Variants in MARCHF1 observed in about 807,000 individuals in gnomAD.
The protein encoded by MARCHF1 is E3 ubiquitin-protein ligase MARCHF1.
Under a neutral mutation model 54.2 loss-of-function variants are expected in MARCHF1, and 40 were observed. That is an observed-to-expected ratio of 0.74 (90% CI 0.57 to 0.96). The LOEUF is 0.96. Ranked by LOEUF, MARCHF1 falls within the 40% of genes least tolerant of loss-of-function variation. The pLI is 0.00. For synonymous variants in MARCHF1, 236 were observed against 236.3 expected, an observed-to-expected ratio of 1.00 and a Z score of 0.01; for missense variants, 586 against 656.5, an observed-to-expected ratio of 0.89 and a Z score of 1.17.
intron 1 of MARCHF1, among the ~76,000 whole-genome samples, chr4:164,175,303 C>T (rs1322541589): frequency 2.0e-5 from 3 of 152,092 alleles, no homozygotes; most frequent in Admixed American, 6.5e-5. Context: ...AAATTTAAGC[C>T]TTCAGGGTAT....
At chr4:164,017,979 A>T (rs1048026139) in intron 2 of MARCHF1, among the ~76,000 whole-genome samples, 2 of 151,964 alleles carry the variant, frequency 1.3e-5, no homozygotes. Flanking sequence ...ATAAATAAAA[A>T]GTTTTGGAAT....
rs142470482 is a variant in MARCHF1 at position 164,204,175 on chromosome 4, G to A, written c.-322-92513C>T. ...TAGGTGCTAAATTGAAGTACGTGGC[G>A]TGAAGTCTCATCAAACGTCAAAAAT... is the stretch of plus-strand genomic sequence containing the variant. On this transcript the variant is annotated intron_variant, in intron 1 of 9. Coordinates refer to ENST00000514618, the MANE Select transcript of MARCHF1 (RefSeq NM_001394959.1). Among the ~76,000 whole-genome samples the A allele has an allele frequency of 1.6e-3, 244 of 152,214 alleles. 6 individuals are homozygous for A. In the East Asian group the frequency reaches 0.04, roughly 25 times the overall value.
intron 3 of MARCHF1, among the ~76,000 whole-genome samples, chr4:163,935,423 G>A (rs1427302472): frequency 6.6e-6 from 1 of 152,116 alleles, no homozygotes; most frequent in Non-Finnish European, 1.5e-5. Flanking sequence ...TAGATTTTCT[G>A]GATAACTTGC....
chr4:163,941,065 C>T (rs1289827507), intron 3 of MARCHF1, among the ~76,000 whole-genome samples: 1 of 152,062 alleles, frequency 6.6e-6, no homozygotes, highest in African/African-American at 2.4e-5. Context: ...AAATAGCACC[C>T]TGCTTAAATT....
intron 4 of MARCHF1, among the ~76,000 whole-genome samples, chr4:163,765,747 C>A (rs995575498): frequency 6.6e-6 from 1 of 151,384 alleles, no homozygotes; most frequent in Non-Finnish European, 1.5e-5. Context: ...GGCTAGCTGG[C>A]TGTATCCTGA....
chr4:164,356,093 A>G (rs1222020551), intron 1 of MARCHF1, among the ~76,000 whole-genome samples: 1 of 134,304 alleles, frequency 7.4e-6, no homozygotes, highest in Non-Finnish European at 1.7e-5. Context: ...TTAGAATGGC[A>G]ATCATTAAAA....
intron 1 of MARCHF1, among the ~76,000 whole-genome samples, chr4:164,327,561 C>T (rs1735316640): frequency 6.6e-6 from 1 of 152,050 alleles, no homozygotes; most frequent in Non-Finnish European, 1.5e-5. Context: ...CCCTAAAAGG[C>T]TTTTAAGTAA....
intron 5 of MARCHF1, among the ~76,000 whole-genome samples, chr4:163,674,352 A>T (rs779216466): frequency 6.6e-6 from 1 of 152,184 alleles, no homozygotes; most frequent in Admixed American, 6.5e-5. Flanking sequence ...AAAGAAAAAA[A>T]ATGTGATGGG....
rs1738199490 is a variant in MARCHF1 at position 163,528,120 on chromosome 4, C to CATAA, written c.*627_*628insTTAT. ...AAATCTTTTGCGTGACTTAAACAAA[C>CATAA]GTAATTAATTCCAAATATCAATGTC... On this transcript the variant is annotated 3_prime_UTR_variant, in exon 10 of 10. Coordinates refer to ENST00000514618, the MANE Select transcript of MARCHF1 (RefSeq NM_001394959.1). The CATAA allele has an allele frequency of 2.6e-5, 4 of 152,496 alleles. No individual in the cohort carries two copies. The highest frequency in any genetic ancestry group is 5.9e-5 in the Non-Finnish European group (4 of 67,952). 9.4% of individuals were successfully genotyped at this position (152,496 alleles called of 1,614,324 possible).
At position 164,137,048 on chromosome 4, in the gene MARCHF1, C is replaced by CTA. The variant is rs151151215; in HGVS notation, c.-322-25388_-322-25387dup. Among the ~76,000 whole-genome samples, 513 of 152,198 alleles carry CTA rather than the reference C, an allele frequency of 3.4e-3. 31 individuals carry two copies. In the East Asian group the frequency reaches 0.09, roughly 27 times the overall value. On this transcript the variant is annotated intron_variant, in intron 1 of 9. Coordinates refer to ENST00000514618, the MANE Select transcript of MARCHF1 (RefSeq NM_001394959.1). Reference sequence around the variant, plus strand: ...CAAAGGATTGAAAGAAACGAATTGTCTAAACAATTTGTTCATATCTAAAGG... The same window carrying CTA: ...CAAAGGATTGAAAGAAACGAATTGTCTATAAACAATTTGTTCATATCTAAAGG...
intron 4 of MARCHF1, among the ~76,000 whole-genome samples, chr4:163,791,116 A>G (rs904065233): frequency 1.3e-5 from 2 of 152,116 alleles, no homozygotes; most frequent in African/African-American, 4.8e-5. Flanking sequence ...AGTAAAGAAA[A>G]TTTTACGGTA....
chr4:163,879,822 T>C (rs1218878423), intron 3 of MARCHF1, among the ~76,000 whole-genome samples: 10 of 151,728 alleles, frequency 6.6e-5, no homozygotes, highest in Admixed American at 6.6e-4. Context: ...TGTGTGTGTG[T>C]GTGTGTGTGT....
At chr4:163,876,049 T>C (rs1031758202) in intron 3 of MARCHF1, among the ~76,000 whole-genome samples, 1 of 152,186 alleles carries the variant, frequency 6.6e-6, no homozygotes, top group East Asian at 1.9e-4. Context: ...ATTTGATTTG[T>C]AGACACAATC....
At chr4:164,379,527 C>G (rs750802501) in intron 1 of MARCHF1, among the ~76,000 whole-genome samples, 23 of 152,122 alleles carry the variant, frequency 1.5e-4, no homozygotes, top group Non-Finnish European at 2.6e-4. Flanking sequence ...AGAAGCTCTG[C>G]AAACTTGGAG....
chr4:164,302,068 T>C (rs1734575015), intron 1 of MARCHF1, among the ~76,000 whole-genome samples: 1 of 152,288 alleles, frequency 6.6e-6, no homozygotes, highest in African/African-American at 2.4e-5. Flanking sequence ...CAGGAGCACA[T>C]CCTGTTTGAC....
intron 1 of MARCHF1, among the ~76,000 whole-genome samples, chr4:164,351,212 C>A (rs1478770231): frequency 7.3e-5 from 11 of 150,344 alleles, no homozygotes; most frequent in South Asian, 6.3e-4. Flanking sequence ...CCCAGGCTTG[C>A]TTAGGTAAAC....
chr4:163,896,624 T>C (rs963745626), intron 3 of MARCHF1, among the ~76,000 whole-genome samples: 3 of 152,194 alleles, frequency 2.0e-5, no homozygotes, highest in Admixed American at 6.5e-5. Flanking sequence ...TTGGCCTCTC[T>C]CTCCTTTGTT....
intron 1 of MARCHF1, among the ~76,000 whole-genome samples, chr4:164,283,076 T>G (rs1405087927): frequency 6.6e-6 from 1 of 151,214 alleles, no homozygotes; most frequent in African/African-American, 2.4e-5. Flanking sequence ...CTCCACCAGA[T>G]TCACATGATA....
chr4:164,191,714 G>A (rs1731128749), intron 1 of MARCHF1, among the ~76,000 whole-genome samples: 1 of 152,072 alleles, frequency 6.6e-6, no homozygotes, highest in African/African-American at 2.4e-5. Context: ...TGGATTGTTG[G>A]AATCCAATAT....
Sources: allele counts gnomAD v4.1 joint callset (sites outside exome capture counted in the v4.1 genomes callset), GRCh38; gene constraint gnomAD v4.1.1; transcripts MANE v1.5; gene names NCBI Gene and HGNC (gene_info 2026-07-23, HGNC 2026-07-21).